The following USP54 variants were observed in gnomAD, a reference collection of about 807,000 sequenced individuals.
The protein encoded by USP54 is ubiquitin specific peptidase 54.
A neutral mutation model predicts 170.5 loss-of-function variants in USP54; 87 were observed. The observed-to-expected ratio is 0.51, with a 90% CI of 0.43 to 0.61. The LOEUF (loss-of-function observed/expected upper bound fraction) is 0.61. USP54 is among the 20% of genes least tolerant of loss of function. The pLI is 0.00. For missense variants in USP54, 1,786 were observed against 2,047.8 expected (o/e 0.87, Z 2.47); for synonymous variants, 655 against 742.8 (o/e 0.88, Z 1.92).
chr10:73,620,369 T>C (rs941541745), intron 1 of USP54, among the ~76,000 whole-genome samples: 3 of 149,668 alleles, frequency 2.0e-5, no homozygotes, highest in Non-Finnish European at 4.4e-5. Context: ...GTTTCCTCAA[T>C]ATAAAATGAA....
chr10:73,612,729 T>TA (rs1283721188), intron 1 of USP54, among the ~76,000 whole-genome samples: 1 of 149,256 alleles, frequency 6.7e-6, no homozygotes, highest in East Asian at 2.0e-4. Context: ...GTACCCCACT[T>TA]ACTCAGGAAG....
At position 73,542,894 on chromosome 10, in the gene USP54, A is replaced by G; in HGVS notation, c.490-9T>C. ...CAGCTAGTACATACACACTGGGCAA[A>G]AGAGAAAAAGGCAAAACCAAGCAAC... On this transcript the variant is annotated splice_polypyrimidine_tract_variant and intron_variant, in intron 6 of 23. Transcript: ENST00000687698. 6.2e-7 allele frequency: 1 copy of G among 1,614,128 alleles called. No individual in the cohort carries two copies. Among genetic ancestry groups the G allele is most frequent in the Non-Finnish European group, 8.5e-7 (1 of 1,180,018 alleles).
intron 16 of USP54, among the ~76,000 whole-genome samples, chr10:73,523,961 G>A (rs2062403775): frequency 6.7e-6 from 1 of 149,910 alleles, no homozygotes; most frequent in African/African-American, 2.4e-5. Flanking sequence ...AGGCTGGAGT[G>A]CAATGGCGCA....
At chr10:73,596,073 C>T (rs565346910), upstream of USP54, among the ~76,000 whole-genome samples, 233 of 147,460 alleles carry the variant, frequency 1.6e-3, 1 homozygote, top group African/African-American at 5.6e-3. Flanking sequence ...ATGGTGCCAC[C>T]GCACTCCAGC....
intron 3 of USP54, among the ~76,000 whole-genome samples, chr10:73,572,985 T>TA (rs1288549790): frequency 6.6e-6 from 1 of 152,064 alleles, no homozygotes; most frequent in African/African-American, 2.4e-5. Context: ...ACAAAGTAAC[T>TA]AAAAAAACTA....
chr10:73,596,720 C>CAA (rs36049099), intron 1 of USP54, among the ~76,000 whole-genome samples: 4,351 of 90,480 alleles, frequency 0.048, 359 homozygotes, highest in African/African-American at 0.15. Flanking sequence ...GATCCTGTCT[C>CAA]AAAAAAAAAA....
rs116377627 is a variant in USP54, at chr10:73,578,497, C to T, written c.-581-2136G>A. ...CGCAATATTGGCTCACTGCAGCCTCCGCCTCTTAGGTTCAAGCAATCCTCC... is the reference window on the plus strand; with the variant it reads ...CGCAATATTGGCTCACTGCAGCCTCTGCCTCTTAGGTTCAAGCAATCCTCC... On this transcript the variant is annotated intron_variant, in intron 1 of 23. Coordinates refer to ENST00000687698, the MANE Select transcript of USP54 (RefSeq NM_001391956.1). Among the ~76,000 whole-genome samples the T allele has an allele frequency of 3.8e-3, 577 of 152,206 alleles. 2 individuals carry two copies. Among genetic ancestry groups the T allele is most frequent in the African/African-American group, 0.013 (556 of 41,534 alleles).
chr10:73,611,466 T>C (rs2132312281), intron 1 of USP54: 1 of 151,932 alleles, frequency 6.6e-6, no homozygotes, highest in Admixed American at 6.6e-5. Context: ...CTGGGCAACA[T>C]AGTGAGAACC....
intron 12 of USP54, among the ~76,000 whole-genome samples, chr10:73,533,779 C>A (rs1452095264): frequency 2.0e-5 from 3 of 152,188 alleles, no homozygotes; most frequent in East Asian, 3.8e-4. Flanking sequence ...CAAGAATATT[C>A]TCTGCATGGA....
rs184129672 is a variant in USP54, at chr10:73,541,309, C to T, written c.825+66G>A. ...AGGACATACCTGTTTGTCTAGTGCT[C>T]ACTGCTCCTAAGCAATACTAAGACG... On this transcript the variant is annotated intron_variant, in intron 9 of 23. Transcript: ENST00000687698. The T allele has an allele frequency of 5.6e-6, 9 of 1,598,220 alleles. No individual in the cohort carries two copies. In the African/African-American group the frequency reaches 1.2e-4, roughly 21 times the overall value.
chr10:73,608,448 C>T (rs1040557110), intron 1 of USP54, among the ~76,000 whole-genome samples: 2 of 152,046 alleles, frequency 1.3e-5, no homozygotes, highest in Non-Finnish European at 2.9e-5. Flanking sequence ...AAACTTAAAT[C>T]AGCTCAAGGA....
chr10:73,572,619 T>C (rs2075399267), intron 3 of USP54, among the ~76,000 whole-genome samples: 1 of 152,160 alleles, frequency 6.6e-6, no homozygotes, highest in Non-Finnish European at 1.5e-5. Flanking sequence ...ATGTAATAGG[T>C]TCAACTCATC....
intron 18 of USP54, 82 bp downstream of exon 18, chr10:73,520,826 T>C: frequency 1.3e-6 from 2 of 1,589,026 alleles, no homozygotes; most frequent in Non-Finnish European, 1.7e-6. Flanking sequence ...ACTGTTTTTA[T>C]CCTGTCTGAG....
chr10:73,587,131 C>A (rs1436728427), intron 1 of USP54, among the ~76,000 whole-genome samples: 1 of 152,138 alleles, frequency 6.6e-6, no homozygotes, highest in African/African-American at 2.4e-5. Context: ...AATTTACTGA[C>A]TTCTAAAGGA....
At chr10:73,525,452 G>C (rs1320727647) in intron 16 of USP54, among the ~76,000 whole-genome samples, 2 of 152,170 alleles carry the variant, frequency 1.3e-5, no homozygotes, top group Admixed American at 1.3e-4. Context: ...TCTTTTACCA[G>C]TTGAAGAACG....
intron 1 of USP54, chr10:73,624,382 T>C (rs1348523753): frequency 3.1e-5 from 3 of 97,926 alleles, no homozygotes; most frequent in Non-Finnish European, 5.8e-5. Flanking sequence ...ATTTTTTTAG[T>C]AGAGACGGGG....
At chr10:73,623,101 G>C (rs2081221140) in intron 1 of USP54, among the ~76,000 whole-genome samples, 1 of 152,184 alleles carries the variant, frequency 6.6e-6, no homozygotes, top group South Asian at 2.1e-4. Flanking sequence ...TCTTAGGCTG[G>C]GCATGGTGGC....
chr10:73,561,598 T>C (rs2073074842), intron 4 of USP54, among the ~76,000 whole-genome samples: 1 of 152,216 alleles, frequency 6.6e-6, no homozygotes, highest in Admixed American at 6.5e-5. Flanking sequence ...GCATCTGAAA[T>C]GTCTAAGAGG....
chr10:73,616,600 A>G (rs1386248366), intron 1 of USP54, among the ~76,000 whole-genome samples: 29 of 150,134 alleles, frequency 1.9e-4, no homozygotes, highest in Non-Finnish European at 1.5e-5. Flanking sequence ...GCACACATTT[A>G]TGTAACACGC....
Sources: allele counts gnomAD v4.1 joint callset (sites outside exome capture counted in the v4.1 genomes callset), GRCh38; gene constraint gnomAD v4.1.1; transcripts MANE v1.5; gene names NCBI Gene and HGNC (gene_info 2026-07-23, HGNC 2026-07-21).